Variants in CADPS2 observed in about 807,000 individuals in gnomAD.
CADPS2 encodes calcium-dependent secretion activator 2.
In CADPS2, 93 loss-of-function variants were observed where a neutral mutation model predicts 172.5. That is an observed-to-expected ratio of 0.54 (90% CI 0.46 to 0.64). The LOEUF (loss-of-function observed/expected upper bound fraction) is 0.64. CADPS2 is among the 30% of genes least tolerant of loss of function. The pLI is 0.00. For synonymous variants in CADPS2, 546 were observed against 555.2 expected (o/e 0.98, Z 0.23); for missense variants, 1,420 against 1,565.9 (o/e 0.91, Z 1.57).
Position 122,369,295 on chromosome 7 carries a change from T to C in CADPS2, c.3388-8282A>G, listed in dbSNP as rs1235505611. ...ACATGTGCCCGCCACCATGCCCGGC[T>C]AATTTTTTGTATTTTTTAGTAGAAA... On this transcript the variant is annotated intron_variant, in intron 25 of 29. Transcript: ENST00000449022. 5.3e-5 allele frequency among the ~76,000 whole-genome samples: 8 copies of C among 152,150 alleles called. No homozygotes were observed. The South Asian group carries it at 1.7e-3, about 32-fold the overall frequency.
chr7:122,757,920 A>AC (rs2093231985), intron 1 of CADPS2, among the ~76,000 whole-genome samples: 1 of 151,908 alleles, frequency 6.6e-6, no homozygotes, highest in Non-Finnish European at 1.5e-5. Flanking sequence ...GGAAAAAAAA[A>AC]CTAACATCAA....
At chr7:122,828,061 A>G (rs922617435) in intron 1 of CADPS2, among the ~76,000 whole-genome samples, 4 of 152,066 alleles carry the variant, frequency 2.6e-5, no homozygotes, top group African/African-American at 9.7e-5. Context: ...CAGTTCTATT[A>G]ATGTTCACTT....
intron 2 of CADPS2, among the ~76,000 whole-genome samples, chr7:122,683,287 T>G (rs1016155041): frequency 6.6e-6 from 1 of 152,190 alleles, no homozygotes; most frequent in African/African-American, 2.4e-5. Context: ...GTATCCCTGA[T>G]GCTCAGCAGC....
intron 20 of CADPS2, among the ~76,000 whole-genome samples, chr7:122,397,112 T>C (rs2045251487): frequency 1.3e-5 from 2 of 152,180 alleles, no homozygotes; most frequent in South Asian, 4.1e-4. Context: ...CTAATGAATA[T>C]AAAAGTTGGT....
chr7:122,773,057 TGAA>T, intron 1 of CADPS2, among the ~76,000 whole-genome samples: 1 of 152,194 alleles, frequency 6.6e-6, no homozygotes, highest in South Asian at 2.1e-4. Context: ...CTCAGTATAA[TGAA>T]GGTCAGAAAA....
chr7:122,594,819 GACAA>G (rs2071493109), intron 6 of CADPS2, among the ~76,000 whole-genome samples: 2 of 151,472 alleles, frequency 1.3e-5, no homozygotes, highest in African/African-American at 4.8e-5. Flanking sequence ...TCCAAGATGT[GACAA>G]ACAAATAATG....
At chr7:122,599,140 T>G (rs2072358531) in intron 6 of CADPS2, among the ~76,000 whole-genome samples, 1 of 152,128 alleles carries the variant, frequency 6.6e-6, no homozygotes, top group Non-Finnish European at 1.5e-5. Flanking sequence ...GACAACATTT[T>G]TTAATGTGTG....
At chr7:122,705,911 T>TTATATAA (rs1554736801) in intron 2 of CADPS2, among the ~76,000 whole-genome samples, 30 of 1,182 alleles carry the variant, frequency 0.025, 8 homozygotes, top group African/African-American at 0.031. Flanking sequence ...ATATAATATA[T>TTATATAA]TATATAATAT....
rs1007660990 is a variant in CADPS2 at position 122,474,593 on chromosome 7, C to A, written c.1862-76G>T. 3 of 1,391,384 alleles carry A rather than the reference C, an allele frequency of 2.2e-6. No individual in the cohort carries two copies. In the African/African-American group the frequency reaches 4.3e-5, roughly 20 times the overall value. 86.2% of individuals were successfully genotyped at this position (1,391,384 alleles called of 1,614,324 possible). ...ATGGACATACAAGTTGTGAAGAATA[C>A]AAAATGCGTGACTCAAGCAGAAGAC... On this transcript the variant is annotated intron_variant, in intron 12 of 29. Coordinates refer to ENST00000449022, the MANE Select transcript of CADPS2 (RefSeq NM_017954.11).
At chr7:122,753,362 T>C (rs1205159291) in intron 1 of CADPS2, among the ~76,000 whole-genome samples, 1 of 152,144 alleles carries the variant, frequency 6.6e-6, no homozygotes, top group Admixed American at 6.5e-5. Context: ...AGAGGAAACT[T>C]TAAACTTTTT....
intron 25 of CADPS2, among the ~76,000 whole-genome samples, chr7:122,362,479 A>G (rs1585271492): frequency 1.3e-5 from 2 of 152,272 alleles, no homozygotes; most frequent in South Asian, 4.1e-4. Context: ...CATTTCTAAA[A>G]CTTTATATTT....
chr7:122,395,193 G>A (rs1332324673), intron 20 of CADPS2, among the ~76,000 whole-genome samples: 2 of 152,136 alleles, frequency 1.3e-5, no homozygotes, highest in African/African-American at 2.4e-5. Flanking sequence ...AGATGGCTTC[G>A]ATATGTTACT....
chr7:122,472,188 G>A (rs2056053954), intron 13 of CADPS2, among the ~76,000 whole-genome samples: 1 of 152,154 alleles, frequency 6.6e-6, no homozygotes, highest in South Asian at 2.1e-4. Context: ...AAAACTGGAG[G>A]ACAGGTTAGG....
At chr7:122,649,988 CA>C (rs1193594893) in intron 3 of CADPS2, among the ~76,000 whole-genome samples, 20 of 135,494 alleles carry the variant, frequency 1.5e-4, no homozygotes, top group Non-Finnish European at 2.9e-4. Flanking sequence ...CGGCTCACTG[CA>C]ACCTCTGCCT....
At chr7:122,860,663 C>T (rs554455098) in intron 1 of CADPS2, among the ~76,000 whole-genome samples, 7 of 152,244 alleles carry the variant, frequency 4.6e-5, no homozygotes, top group Middle Eastern at 3.4e-3. Flanking sequence ...CTCTACTATG[C>T]AATAGAATAT....
intron 6 of CADPS2, among the ~76,000 whole-genome samples, chr7:122,584,922 A>G (rs975118784): frequency 6.6e-6 from 1 of 151,998 alleles, no homozygotes; most frequent in African/African-American, 2.4e-5. Flanking sequence ...TTGTGTGTCT[A>G]AGTTTTCCAT....
chr7:122,473,231 G>A (rs1273797248), intron 13 of CADPS2, among the ~76,000 whole-genome samples: 2 of 152,072 alleles, frequency 1.3e-5, no homozygotes, highest in Admixed American at 1.3e-4. Context: ...GTTCAAATAA[G>A]GCAAATGCTG....
Position 122,621,613 on chromosome 7 carries a change from T to C in CADPS2, c.972A>G (p.Pro324=), listed in dbSNP as rs2075614451. The C allele has an allele frequency of 1.9e-6, 3 of 1,613,748 alleles. No individual in the cohort carries two copies. Among genetic ancestry groups the C allele is most frequent in the Admixed American group, 1.7e-5 (1 of 60,012 alleles). Residue 324 remains proline (P), a synonymous_variant, in exon 5 of 30, where the codon CCA becomes CCG. Coordinates refer to ENST00000449022, the MANE Select transcript of CADPS2 (RefSeq NM_017954.11). The part of the protein sequence containing the change: ...NLLMANLESL[P]VSKGGPEFKL... ...TAAATTCCGGACCACCTTTCGAAAC[T>C]GGAAGACTTTCCAAATTGGCCATTA...
chr7:122,874,862 A>G (rs1326375243), intron 1 of CADPS2, among the ~76,000 whole-genome samples: 1 of 152,158 alleles, frequency 6.6e-6, no homozygotes. Context: ...CCTTCCTTAT[A>G]CCTTATACAA....
Sources: allele counts gnomAD v4.1 joint callset (sites outside exome capture counted in the v4.1 genomes callset), GRCh38; gene constraint gnomAD v4.1.1; transcripts MANE v1.5; gene names NCBI Gene and HGNC (gene_info 2026-07-23, HGNC 2026-07-21).